PUM2: variants seen among roughly 807,000 people sequenced by gnomAD.
PUM2 encodes the protein pumilio RNA binding family member 2, also known as pumilio homolog 2.
PUM2 carries 57 observed loss-of-function variants against 124.5 expected under a neutral mutation model. The ratio of observed to expected loss-of-function variants is 0.46; its 90% CI spans 0.37 to 0.57. The LOEUF is 0.57. Among genes scored for constraint, PUM2 ranks in the 20% least tolerant of loss-of-function variants. The pLI, the probability that PUM2 is intolerant of heterozygous loss-of-function variation, is 0.00. For synonymous variants in PUM2, 460 were observed against 446.1 expected (o/e 1.03, Z -0.39); for missense variants, 1,065 against 1,290.6 (o/e 0.83, Z 2.68).
At chr2:20,339,821 AGTGAGCCGAGATCAT>A (rs1381165770) in intron 1 of PUM2, among the ~76,000 whole-genome samples, 1 of 152,194 alleles carries the variant, frequency 6.6e-6, no homozygotes, top group South Asian at 2.1e-4. Context: ...CGGAGGTTAC[AGTGAGCCGAGATCAT>A]GTGAGCCGAG....
At position 20,263,319 on chromosome 2, in the gene PUM2, G is replaced by A; in HGVS notation, c.2099C>T (p.Ser700Phe). 6.2e-7 allele frequency: 1 copy of A among 1,614,098 alleles called. No individual in the cohort carries two copies. Among genetic ancestry groups the A allele is most frequent in the Non-Finnish European group, 8.5e-7 (1 of 1,179,964 alleles). ...ACTGCGGCCAGAAGGCATAATATCA[G>A]ACCTATTATACCGAAGCCGGGAAGG... ...FPPSRLRYNR[S>F]DIMPSGRSRL... The change falls in exon 14 of 21, where the codon TCT becomes TTT. Residue 700 changes from serine (S) to phenylalanine (F), a missense_variant. Physicochemically the swap from Ser to Phe is radical, Grantham distance 155 (BLOSUM62 -2). Coordinates refer to ENST00000361078, the MANE Select transcript of PUM2 (RefSeq NM_015317.5).
At chr2:20,285,131 T>C (rs552418934) in intron 10 of PUM2, among the ~76,000 whole-genome samples, 141 of 152,342 alleles carry the variant, frequency 9.3e-4, no homozygotes, top group Admixed American at 2.6e-3. Flanking sequence ...ACTTAACTGC[T>C]CCTTAACTAA....
At chr2:20,270,958 A>C (rs1668879672) in intron 13 of PUM2, among the ~76,000 whole-genome samples, 1 of 152,194 alleles carries the variant, frequency 6.6e-6, no homozygotes, top group Non-Finnish European at 1.5e-5. Context: ...AATTCCAATG[A>C]AATCACTATG....
At chr2:20,267,933 G>A (rs72785301) in intron 13 of PUM2, among the ~76,000 whole-genome samples, 44,625 of 152,094 alleles carry the variant, frequency 0.29, 6,786 homozygotes, top group Middle Eastern at 0.36. Context: ...GTAAACTATG[G>A]ATACGAAAGG....
At chr2:20,264,696 A>G (rs1028145166) in intron 13 of PUM2, among the ~76,000 whole-genome samples, 1 of 152,244 alleles carries the variant, frequency 6.6e-6, no homozygotes, top group South Asian at 2.1e-4. Context: ...GCATCATGCT[A>G]TTATTATATG....
chr2:20,308,189 C>T (rs1572846997), intron 6 of PUM2, 118 bp from the exon 7 acceptor site: 1 of 1,461,294 alleles, frequency 6.8e-7, no homozygotes. Context: ...AAATACAGGA[C>T]ACTTTAATCA....
intron 5 of PUM2, 136 bp downstream of exon 5, chr2:20,311,352 AAAAACT>A: frequency 9.7e-7 from 1 of 1,030,672 alleles, no homozygotes; most frequent in Non-Finnish European, 1.3e-6. Context: ...CTTTATAGTA[AAAAACT>A]AAAATTTGTC....
At chr2:20,307,463 T>C (rs1678617842) in intron 7 of PUM2, among the ~76,000 whole-genome samples, 1 of 152,284 alleles carries the variant, frequency 6.6e-6, no homozygotes, top group South Asian at 2.1e-4. Flanking sequence ...TTTGATACTG[T>C]ACTGTAATAA....
At chr2:20,289,008 T>C (rs1432733054) in intron 10 of PUM2, among the ~76,000 whole-genome samples, 1 of 152,102 alleles carries the variant, frequency 6.6e-6, no homozygotes. Flanking sequence ...AGACATGTTG[T>C]GTGGCTGGGC....
At chr2:20,345,083 T>C (rs1157615188) in intron 1 of PUM2, among the ~76,000 whole-genome samples, 2 of 149,160 alleles carry the variant, frequency 1.3e-5, no homozygotes, top group African/African-American at 5.0e-5. Flanking sequence ...TCCACAGCAC[T>C]TTTTTCTTTT....
In PUM2 at chr2:20,294,295, C is replaced by T. The variant is rs539501069; in HGVS notation, c.1152+81G>A. 2.2e-4 allele frequency: 333 copies of T among 1,511,952 alleles called. 9 individuals carry two copies. In the South Asian group the frequency reaches 3.9e-3, roughly 18 times the overall value. 93.7% of individuals were successfully genotyped at this position (1,511,952 alleles called of 1,614,324 possible). A position where few individuals can be genotyped will look rare whatever the true frequency, so the allele number is the denominator to read the frequency against. On this transcript the variant is annotated intron_variant, in intron 9 of 20. Transcript: ENST00000361078. ...TGTTACACAGTGAGGAAACGTAAGT[C>T]GAAAAACACAAATCTTAAACATTAG...
intron 7 of PUM2, among the ~76,000 whole-genome samples, chr2:20,306,986 G>T (rs1678484025): frequency 6.6e-6 from 1 of 151,966 alleles, no homozygotes; most frequent in East Asian, 2.0e-4. Flanking sequence ...GGCCGAGGGG[G>T]GGCTGATCAC....
intron 20 of PUM2, among the ~76,000 whole-genome samples, chr2:20,252,110 ATAAC>A (rs1663530722): frequency 6.6e-6 from 1 of 152,230 alleles, no homozygotes; most frequent in Non-Finnish European, 1.5e-5. Flanking sequence ...TACCAGTTAA[ATAAC>A]TAACGCAGCT....
chr2:20,290,462 AATTTACCATTCCTGT>A (rs1673773062), intron 10 of PUM2, among the ~76,000 whole-genome samples, 175 bp downstream of exon 10: 2 of 7,942 alleles, frequency 2.5e-4, no homozygotes, highest in African/African-American at 1.3e-3. Context: ...GTTGAGTCTC[AATTTACCATTCCTGT>A]CGTTGAGTCT....
chr2:20,315,674 T>C (rs960986340), intron 3 of PUM2, among the ~76,000 whole-genome samples: 1 of 151,910 alleles, frequency 6.6e-6, no homozygotes, highest in Non-Finnish European at 1.5e-5. Context: ...AAAAAATCTT[T>C]GGTTGGCTGG....
At position 20,296,222 on chromosome 2, in the gene PUM2, G is replaced by A. The variant is rs114569117; in HGVS notation, c.1009+1331C>T. On this transcript the variant is annotated intron_variant, in intron 8 of 20. Coordinates refer to ENST00000361078, the MANE Select transcript of PUM2 (RefSeq NM_015317.5). ...CTTTAAAAATCAGTCTTGGCCGGGC[G>A]CGGTGGCTCACGCCTGTAATCCCAG... is the stretch of plus-strand genomic sequence containing the variant. Among the ~76,000 whole-genome samples, 1,419 of 152,272 alleles carry A rather than the reference G, an allele frequency of 9.3e-3. 8 individuals carry two copies. Among genetic ancestry groups the A allele is most frequent in the Middle Eastern group, 0.024 (7 of 294 alleles).
intron 1 of PUM2, among the ~76,000 whole-genome samples, chr2:20,334,652 A>G (rs549165763): frequency 9.2e-5 from 14 of 152,338 alleles, no homozygotes; most frequent in African/African-American, 3.4e-4. Flanking sequence ...GTATTTACAT[A>G]TCTTCATATA....
chr2:20,259,498 TTCTAG>T (rs2148498717), intron 15 of PUM2, among the ~76,000 whole-genome samples: 2 of 152,350 alleles, frequency 1.3e-5, no homozygotes, highest in South Asian at 4.1e-4. Flanking sequence ...CTATTAGTTA[TTCTAG>T]ACATTTCATA....
intron 13 of PUM2, among the ~76,000 whole-genome samples, chr2:20,278,206 G>C (rs1161559509): frequency 6.6e-6 from 1 of 152,138 alleles, no homozygotes; most frequent in African/African-American, 2.4e-5. Flanking sequence ...TAGTTCAGTA[G>C]CTATGTAACT....
Sources: gnomAD v4.1 joint callset for allele counts (sites outside exome capture counted in the v4.1 genomes callset) on GRCh38, gnomAD v4.1.1 for gene constraint, MANE v1.5 for transcripts, NCBI Gene and HGNC (gene_info 2026-07-23, HGNC 2026-07-21) for gene names.